STON2: variants seen among roughly 807,000 people sequenced by gnomAD.
STON2 encodes the protein stonin 2, also known as stonin-2.
A neutral mutation model predicts 65.7 loss-of-function variants in STON2; 29 were observed. The observed-to-expected ratio is 0.44, with a 90% CI of 0.33 to 0.60. The LOEUF is 0.60. Among genes scored for constraint, STON2 ranks in the 20% least tolerant of loss-of-function variants. STON2 has a pLI of 0.03. For missense variants in STON2, 1,054 were observed against 1,118.1 expected, an observed-to-expected ratio of 0.94 and a Z score of 0.82; for synonymous variants, 404 against 414.2, an observed-to-expected ratio of 0.98 and a Z score of 0.30.
chr14:81,336,087 C>T (rs1336151899), intron 4 of STON2, among the ~76,000 whole-genome samples: 3 of 151,996 alleles, frequency 2.0e-5, no homozygotes, highest in Non-Finnish European at 2.9e-5. Context: ...AAAAAACTGC[C>T]CTTGAGGTTG....
intron 4 of STON2, among the ~76,000 whole-genome samples, chr14:81,337,758 C>T (rs1057452786): frequency 6.6e-6 from 1 of 152,024 alleles, no homozygotes; most frequent in African/African-American, 2.4e-5. Flanking sequence ...GAGGTCAGTC[C>T]TACCTTGGGG....
intron 5 of STON2, among the ~76,000 whole-genome samples, chr14:81,304,432 T>C (rs1359577041): frequency 6.6e-6 from 1 of 152,096 alleles, no homozygotes; most frequent in Non-Finnish European, 1.5e-5. Flanking sequence ...CTGTTAGAGA[T>C]GGAATCAGGG....
intron 4 of STON2, among the ~76,000 whole-genome samples, chr14:81,341,276 T>C (rs1253782114): frequency 6.6e-6 from 1 of 152,112 alleles, no homozygotes; most frequent in Non-Finnish European, 1.5e-5. Context: ...GCAACTCCCT[T>C]CTATTTGATA....
rs559713424 is a variant in STON2 at position 81,368,579 on chromosome 14, T to C, written c.571+2409A>G. On this transcript the variant is annotated intron_variant, in intron 4 of 7. Transcript: ENST00000614646. ...AATAACAAAAATTAGCCAGGCGCGG[T>C]GGCACACACCTGTAATCCCAGCTAC... Among the ~76,000 whole-genome samples the C allele has an allele frequency of 2.8e-4, 43 of 152,238 alleles. 1 individual carries two copies. In the South Asian group the frequency reaches 8.5e-3, roughly 30 times the overall value.
At chr14:81,298,530 G>C (rs1482101313) in intron 5 of STON2, among the ~76,000 whole-genome samples, 1 of 152,132 alleles carries the variant, frequency 6.6e-6, no homozygotes, top group Non-Finnish European at 1.5e-5. Context: ...AAGCGCGGCT[G>C]AAATCCCTGA....
intron 5 of STON2, among the ~76,000 whole-genome samples, chr14:81,304,797 C>T (rs557025321): frequency 1.6e-4 from 25 of 152,246 alleles, no homozygotes; most frequent in African/African-American, 5.8e-4. Context: ...TTTAGCCTTT[C>T]TTGTTATTCT....
intron 2 of STON2, among the ~76,000 whole-genome samples, chr14:81,416,549 T>C (rs1901444330): frequency 6.6e-6 from 1 of 152,200 alleles, no homozygotes; most frequent in South Asian, 2.1e-4. Flanking sequence ...GTCATCTATG[T>C]GAGCCATGCC....
At chr14:81,305,038 G>A (rs1445430518) in intron 5 of STON2, among the ~76,000 whole-genome samples, 1 of 152,062 alleles carries the variant, frequency 6.6e-6, no homozygotes, top group African/African-American at 2.4e-5. Context: ...GCTTGTTTTT[G>A]AACTTAGATA....
intron 4 of STON2, among the ~76,000 whole-genome samples, chr14:81,353,033 G>T (rs1443519125): frequency 6.6e-6 from 1 of 152,144 alleles, no homozygotes; most frequent in African/African-American, 2.4e-5. Context: ...TTTGGTCAAA[G>T]AATGTATAGG....
chr14:81,265,255 T>C lies in STON2; in HGVS notation c.*3159A>G, dbSNP rs1257777018. On this transcript the variant is annotated 3_prime_UTR_variant, in exon 8 of 8. Coordinates refer to ENST00000614646, the MANE Select transcript of STON2 (RefSeq NM_001394390.1). ...ACTCATTACGTCTAAAAATATATAG[T>C]ATTATTATCCCCAAACCCCTAAATG... 1.0e-6 allele frequency: 1 copy of C among 983,878 alleles called. No homozygotes were observed. The highest frequency in any genetic ancestry group is 1.1e-4 in the East Asian group (1 of 8,820). 60.9% of individuals were successfully genotyped at this position (983,878 alleles called of 1,614,324 possible).
chr14:81,385,390 G>GA (rs1449469767), intron 3 of STON2, among the ~76,000 whole-genome samples: 1 of 152,014 alleles, frequency 6.6e-6, no homozygotes, highest in Admixed American at 6.6e-5. Flanking sequence ...CAGGCCTCAG[G>GA]AAAAAAATAT....
chr14:81,320,027 G>A (rs1211925856), intron 5 of STON2, among the ~76,000 whole-genome samples: 2 of 152,160 alleles, frequency 1.3e-5, no homozygotes, highest in Non-Finnish European at 1.5e-5. Flanking sequence ...CTATGGATCT[G>A]GATGGATTTG....
intron 4 of STON2, among the ~76,000 whole-genome samples, chr14:81,355,787 C>T (rs1389872341): frequency 2.0e-5 from 3 of 152,094 alleles, no homozygotes; most frequent in Non-Finnish European, 2.9e-5. Flanking sequence ...TGGGAGTTCA[C>T]TCATGATTTG....
intron 5 of STON2, among the ~76,000 whole-genome samples, chr14:81,295,098 GCGGAT>G (rs1299100078): frequency 1.3e-5 from 2 of 152,184 alleles, no homozygotes; most frequent in Non-Finnish European, 2.9e-5. Flanking sequence ...GCCGAGGTGG[GCGGAT>G]CACGAGGTCA....
At chr14:81,371,676 T>TAAAAAAAAAA (rs34428344) in intron 3 of STON2, among the ~76,000 whole-genome samples, 2 of 97,658 alleles carry the variant, frequency 2.0e-5, no homozygotes, top group Non-Finnish European at 1.9e-5. Flanking sequence ...AGACTGAGTC[T>TAAAAAAAAAA]AAAAAAAAAA....
chr14:81,335,019 T>TTGTGTGTG (rs61658924), intron 4 of STON2, among the ~76,000 whole-genome samples: 5 of 146,290 alleles, frequency 3.4e-5, no homozygotes, highest in Non-Finnish European at 6.0e-5. Context: ...TTTTTTGTAT[T>TTGTGTGTG]TGTGTGTGTG....
chr14:81,422,034 T>C (rs1901728455), intron 2 of STON2, among the ~76,000 whole-genome samples: 1 of 152,226 alleles, frequency 6.6e-6, no homozygotes, highest in Non-Finnish European at 1.5e-5. Context: ...ATGTGTTATC[T>C]TGTCACCATC....
intron 5 of STON2, among the ~76,000 whole-genome samples, chr14:81,290,494 G>A (rs1198988611): frequency 1.3e-5 from 2 of 152,174 alleles, no homozygotes; most frequent in Non-Finnish European, 2.9e-5. Context: ...TTCTGAGTCT[G>A]TATCACATCG....
At chr14:81,342,350 G>T (rs1383443336) in intron 4 of STON2, among the ~76,000 whole-genome samples, 1 of 152,088 alleles carries the variant, frequency 6.6e-6, no homozygotes, top group Non-Finnish European at 1.5e-5. Context: ...GGCCAGGCTG[G>T]TCTTGAGCTC....
Sources: allele counts gnomAD v4.1 joint callset (sites outside exome capture counted in the v4.1 genomes callset), GRCh38; gene constraint gnomAD v4.1.1; transcripts MANE v1.5; gene names NCBI Gene and HGNC (gene_info 2026-07-23, HGNC 2026-07-21).